The following KANSL1L variants were observed in gnomAD, a reference collection of about 807,000 sequenced individuals.
KANSL1L encodes KAT8 regulatory NSL complex subunit 1 like, also known as KAT8 regulatory NSL complex subunit 1-like protein.
In KANSL1L, 25 loss-of-function variants were observed where a neutral mutation model predicts 108.6. The observed-to-expected ratio is 0.23, with a 90% CI of 0.17 to 0.32. The LOEUF is 0.32. KANSL1L is among the 10% of genes least tolerant of loss of function. KANSL1L has a pLI of 1.00. For synonymous variants in KANSL1L, 405 were observed against 395.1 expected (o/e 1.03, Z -0.30); for missense variants, 1,137 against 1,125.7 (o/e 1.01, Z -0.14).
At chr2:210,139,807 T>C (rs1234781415) in intron 2 of KANSL1L, among the ~76,000 whole-genome samples, 1 of 149,836 alleles carries the variant, frequency 6.7e-6, no homozygotes, top group Non-Finnish European at 1.5e-5. Context: ...AGAGGCGCAA[T>C]CTTGGCTCAC....
chr2:210,150,469 A>T (rs1009030804), intron 2 of KANSL1L, among the ~76,000 whole-genome samples: 1 of 152,222 alleles, frequency 6.6e-6, no homozygotes, highest in Non-Finnish European at 1.5e-5. Context: ...ATCAAAATTG[A>T]CATGCCTTTG....
At chr2:210,028,781 C>T in intron 11 of KANSL1L, 64 bp downstream of exon 11, 1 of 1,216,578 alleles carries the variant, frequency 8.2e-7, no homozygotes. Context: ...AAATTCTTCA[C>T]TTTGAAAATT....
intron 13 of KANSL1L, 24 bp from the exon 14 acceptor site, chr2:210,024,225 C>G: frequency 1.3e-6 from 2 of 1,513,972 alleles, no homozygotes; most frequent in Non-Finnish European, 1.8e-6. Flanking sequence ...CAGGAAAACA[C>G]AATTATTTTT....
chr2:210,126,758 C>T (rs1409604951), intron 3 of KANSL1L, among the ~76,000 whole-genome samples: 1 of 152,194 alleles, frequency 6.6e-6, no homozygotes, highest in Non-Finnish European at 1.5e-5. Context: ...GTGGAGGTTG[C>T]AGTGAGCTGA....
At chr2:210,117,899 C>A (rs1395389196) in intron 3 of KANSL1L, among the ~76,000 whole-genome samples, 1 of 152,126 alleles carries the variant, frequency 6.6e-6, no homozygotes, top group African/African-American at 2.4e-5. Flanking sequence ...CACGACGGCT[C>A]ATGCCCGTAA....
chr2:210,036,383 T>C (rs893783607), intron 8 of KANSL1L, among the ~76,000 whole-genome samples: 28 of 151,958 alleles, frequency 1.8e-4, no homozygotes, highest in Non-Finnish European at 4.1e-4. Context: ...GGTTTTACCA[T>C]GTTGCCCAGG....
At chr2:210,067,748 A>T (rs2094477235) in intron 6 of KANSL1L, among the ~76,000 whole-genome samples, 1 of 146,868 alleles carries the variant, frequency 6.8e-6, no homozygotes, top group Non-Finnish European at 1.5e-5. Flanking sequence ...AAAAAAATTG[A>T]TGTAGTATTA....
chr2:210,105,307 CATATATT>C (rs2094835849), intron 3 of KANSL1L, among the ~76,000 whole-genome samples: 1 of 145,852 alleles, frequency 6.9e-6, no homozygotes, highest in African/African-American at 2.5e-5. Context: ...ACTGATATTA[CATATATT>C]ATATATTATA....
chr2:210,116,195 T>G (rs1248659118), intron 3 of KANSL1L, among the ~76,000 whole-genome samples: 1 of 152,166 alleles, frequency 6.6e-6, no homozygotes, highest in Non-Finnish European at 1.5e-5. Flanking sequence ...GGGAAGGGAC[T>G]GCTCTGCTTG....
chr2:210,069,987 C>A (rs2094495045), intron 6 of KANSL1L, among the ~76,000 whole-genome samples: 1 of 151,034 alleles, frequency 6.6e-6, no homozygotes, highest in African/African-American at 2.4e-5. Flanking sequence ...TGCCACCACA[C>A]CCGGCTAACT....
In KANSL1L at chr2:210,171,380, G is replaced by C. The variant is rs1375938647; in HGVS notation, c.-261C>G. 1 of 170,746 alleles carries C rather than the reference G, an allele frequency of 5.9e-6. No individual in the cohort carries two copies. The highest frequency in any genetic ancestry group is 2.4e-5 in the African/African-American group (1 of 41,610). The allele number at this position is 170,746 out of a possible 1,614,324, so 10.6% of individuals were successfully genotyped here. On this transcript the variant is annotated 5_prime_UTR_variant, in exon 1 of 15. Coordinates refer to ENST00000281772, the MANE Select transcript of KANSL1L (RefSeq NM_152519.4). ...CGCCCGCTGCCCGCAGCTCCGTGCG[G>C]CTCGGGGGGACGGAACCCTGCCGCG...
intron 3 of KANSL1L, among the ~76,000 whole-genome samples, chr2:210,122,792 G>C (rs1371034172): frequency 1.3e-5 from 2 of 151,846 alleles, no homozygotes; most frequent in Non-Finnish European, 1.5e-5. Context: ...CTATCTGTCT[G>C]ACAAGGGATT....
chr2:210,154,781 CCTCT>C (rs2095324194), intron 1 of KANSL1L, among the ~76,000 whole-genome samples, 170 bp from the exon 2 acceptor site: 2 of 152,102 alleles, frequency 1.3e-5, no homozygotes, highest in Admixed American at 1.3e-4. Flanking sequence ...GCTATTCTTC[CCTCT>C]GACTGGGGGC....
chr2:210,089,496 A>G (rs2094671482), intron 5 of KANSL1L, among the ~76,000 whole-genome samples: 2 of 152,208 alleles, frequency 1.3e-5, no homozygotes, highest in African/African-American at 4.8e-5. Flanking sequence ...TAACACTAGT[A>G]ACTACTTTAG....
At chr2:210,162,073 A>AT (rs1456193648) in intron 1 of KANSL1L, among the ~76,000 whole-genome samples, 256 of 80,160 alleles carry the variant, frequency 3.2e-3, no homozygotes, top group Middle Eastern at 0.018. Context: ...TAAAAAAAAA[A>AT]AAAATATATA....
At chr2:210,024,249 C>A in intron 13 of KANSL1L, 48 bp from the exon 14 acceptor site, 1 of 1,456,410 alleles carries the variant, frequency 6.9e-7, no homozygotes, top group South Asian at 1.4e-5. Flanking sequence ...TTTTTGAGGT[C>A]TTGAAAATTT....
At chr2:210,160,766 C>T (rs1575644001) in intron 1 of KANSL1L, among the ~76,000 whole-genome samples, 1 of 152,074 alleles carries the variant, frequency 6.6e-6, no homozygotes, top group East Asian at 1.9e-4. Flanking sequence ...GATACAAAAT[C>T]TTGGCAGGAC....
chr2:210,054,476 C>A (rs909752991), intron 6 of KANSL1L, among the ~76,000 whole-genome samples: 5 of 152,046 alleles, frequency 3.3e-5, no homozygotes, highest in African/African-American at 9.7e-5. Context: ...TAATTTGGTT[C>A]AATTCTATTG....
intron 2 of KANSL1L, among the ~76,000 whole-genome samples, chr2:210,132,814 C>T (rs938470428): frequency 2.0e-5 from 3 of 152,122 alleles, no homozygotes; most frequent in Admixed American, 1.3e-4. Context: ...CAAGCTAATG[C>T]TACCCTCATA....
Sources: gnomAD v4.1 joint callset for allele counts (sites outside exome capture counted in the v4.1 genomes callset) on GRCh38, gnomAD v4.1.1 for gene constraint, MANE v1.5 for transcripts, NCBI Gene and HGNC (gene_info 2026-07-23, HGNC 2026-07-21) for gene names.